The following ARAP2 variants were observed in gnomAD, a reference collection of about 807,000 sequenced individuals.
ARAP2 encodes the protein ArfGAP with RhoGAP domain, ankyrin repeat and PH domain 2, also known as arf-GAP with Rho-GAP domain, ANK repeat and PH domain-containing protein 2.
In ARAP2, 148 loss-of-function variants were observed where a neutral mutation model predicts 194.5. The observed-to-expected ratio is 0.76, with a 90% CI of 0.67 to 0.87. ARAP2 has a LOEUF of 0.87. Ranked by LOEUF, ARAP2 falls within the 40% of genes least tolerant of loss-of-function variation. The pLI is 0.00. For synonymous variants in ARAP2, 695 were observed against 683.5 expected (o/e 1.02, Z -0.26); for missense variants, 2,128 against 1,989.7 (o/e 1.07, Z -1.32).
At chr4:36,062,756 T>A (rs1170829375), downstream of ARAP2, among the ~76,000 whole-genome samples, 1 of 152,086 alleles carries the variant, frequency 6.6e-6, no homozygotes, top group Non-Finnish European at 1.5e-5. Flanking sequence ...TAAAAAGGGT[T>A]AAATCTGCAG....
intron 19 of ARAP2, among the ~76,000 whole-genome samples, chr4:36,143,722 G>A (rs762034892): frequency 2.1e-4 from 32 of 151,730 alleles, no homozygotes; most frequent in African/African-American, 2.4e-4. Flanking sequence ...TTAGCTATAC[G>A]AAGAGATTTA....
At chr4:36,039,028 AT>A (rs1387879081) in intron 5 of ARAP2, among the ~76,000 whole-genome samples, 4 of 152,196 alleles carry the variant, frequency 2.6e-5, no homozygotes, top group Non-Finnish European at 5.9e-5. Flanking sequence ...AATAATTATC[AT>A]TTCTTTTCAG....
At position 36,228,805 on chromosome 4, in the gene ARAP2, T is replaced by G; in HGVS notation, c.682A>C (p.Asn228His). ...SFVGCSTSGT[N>H]SGNGTNGLLE... is the part of the protein sequence containing the mutation. The stretch of plus-strand genomic sequence containing the variant: ...AAACCATTTGTTCCATTTCCAGAAT[T>G]TGTTCCTGATGTTGAACAGCCAACA... The change falls in exon 2 of 33, where the codon AAT becomes CAT. Residue 228 changes from asparagine (N) to histidine (H), a missense_variant. Coordinates refer to ENST00000303965, the MANE Select transcript of ARAP2 (RefSeq NM_015230.4). The G allele has an allele frequency of 6.2e-7, 1 of 1,614,168 alleles. No individual in the cohort carries two copies. Among genetic ancestry groups the G allele is most frequent in the Non-Finnish European group, 8.5e-7 (1 of 1,180,022 alleles).
intron 2 of ARAP2, among the ~76,000 whole-genome samples, chr4:36,226,073 A>C (rs920869343): frequency 6.6e-6 from 1 of 152,180 alleles, no homozygotes; most frequent in Non-Finnish European, 1.5e-5. Context: ...TGATCTGAGC[A>C]CCACAAAAGC....
chr4:36,213,282 A>T lies in ARAP2; in HGVS notation c.1002T>A (p.Tyr334Ter), dbSNP rs1217238895. 6.2e-7 allele frequency: 1 copy of T among 1,608,436 alleles called. No individual in the cohort carries two copies. Among genetic ancestry groups the T allele is most frequent in the African/African-American group, 1.3e-5 (1 of 74,784 alleles). ...NEENSSSIFP[Y>*]GETFLFQRLE... The stretch of plus-strand genomic sequence containing the variant: ...GTCTCTGGAAGAGAAAGGTCTCTCC[A>T]TAAGGAAAGATGGAAGATGAATTCT... Residue 334 changes from tyrosine to a stop codon, truncating the protein, a stop_gained, in exon 4 of 33, where the codon TAT becomes TAA. Coordinates refer to ENST00000303965, the MANE Select transcript of ARAP2 (RefSeq NM_015230.4). LOFTEE classifies it high-confidence loss of function.
At position 36,143,547 on chromosome 4, in the gene ARAP2, G is replaced by A. The variant is rs116978257; in HGVS notation, c.3263+3749C>T. Among the ~76,000 whole-genome samples the A allele has an allele frequency of 4.0e-4, 61 of 151,804 alleles. 1 individual carries two copies. In the East Asian group the frequency reaches 9.7e-3, roughly 24 times the overall value. ...CCTCAATACCATATAGGCAAAAGAAGGCTGTTTAAGTACTTAAAATGGGGC... is the reference window on the plus strand; with the variant it reads ...CCTCAATACCATATAGGCAAAAGAAAGCTGTTTAAGTACTTAAAATGGGGC... On this transcript the variant is annotated intron_variant, in intron 19 of 32. Transcript: ENST00000303965.
chr4:36,021,007 C>T (rs187618948), intron 5 of ARAP2, among the ~76,000 whole-genome samples: 1 of 152,032 alleles, frequency 6.6e-6, no homozygotes, highest in Non-Finnish European at 1.5e-5. Flanking sequence ...GGTGAATGTA[C>T]ATGTGATTCA....
intron 24 of ARAP2, among the ~76,000 whole-genome samples, chr4:36,118,162 T>G (rs555340078): frequency 3.6e-4 from 55 of 151,286 alleles, no homozygotes; most frequent in Middle Eastern, 6.8e-3. Context: ...TTATTTCCAG[T>G]TTTTCCTCCT....
At chr4:36,152,128 G>A (rs1731140359) in intron 15 of ARAP2, among the ~76,000 whole-genome samples, 1 of 152,144 alleles carries the variant, frequency 6.6e-6, no homozygotes, top group South Asian at 2.1e-4. Context: ...CACCTAGAGA[G>A]CTAGATAGGA....
chr4:36,142,389 T>C (rs115067246), intron 19 of ARAP2, among the ~76,000 whole-genome samples: 6 of 151,656 alleles, frequency 4.0e-5, no homozygotes, highest in African/African-American at 1.2e-4. Context: ...ATATATGCCC[T>C]TTCTGGGTCA....
chr4:36,027,505 C>A (rs1324462919), intron 5 of ARAP2, among the ~76,000 whole-genome samples: 1 of 151,754 alleles, frequency 6.6e-6, no homozygotes, highest in Non-Finnish European at 1.5e-5. Flanking sequence ...ACGAAGCAAT[C>A]GCTGACACTC....
intron 2 of ARAP2, among the ~76,000 whole-genome samples, chr4:36,227,654 G>C (rs1046646167): frequency 3.9e-5 from 6 of 152,136 alleles, no homozygotes; most frequent in Non-Finnish European, 5.9e-5. Context: ...GAATCCTGCT[G>C]AAACTCCAGC....
chr4:36,214,835 A>G (rs923337181), intron 2 of ARAP2, among the ~76,000 whole-genome samples: 1 of 152,228 alleles, frequency 6.6e-6, no homozygotes. Context: ...TAATTTCAAA[A>G]CTGCTAGTCA....
Position 36,066,934 on chromosome 4 carries a change from C to T in ARAP2, c.*973G>A, listed in dbSNP as rs1725600638. On this transcript the variant is annotated 3_prime_UTR_variant, in exon 33 of 33. Coordinates refer to ENST00000303965, the MANE Select transcript of ARAP2 (RefSeq NM_015230.4). ...GACAACTCGGAGAAAAACATTACAACCTTAATAATAATTTAAAAAAATCTA... is the reference window on the plus strand; with the variant it reads ...GACAACTCGGAGAAAAACATTACAATCTTAATAATAATTTAAAAAAATCTA... 1 of 152,140 alleles carries T rather than the reference C, an allele frequency of 6.6e-6. No individual in the cohort carries two copies. The highest frequency in any genetic ancestry group is 6.5e-5 in the Admixed American group (1 of 15,274). 9.4% of individuals were successfully genotyped at this position (152,140 alleles called of 1,614,324 possible). A position where few individuals can be genotyped will look rare whatever the true frequency, so the allele number is the denominator to read the frequency against.
chr4:36,151,179 T>C (rs566333007), intron 15 of ARAP2, 135 bp from the exon 16 acceptor site: 39 of 783,362 alleles, frequency 5.0e-5, no homozygotes, highest in Admixed American at 9.6e-5. Flanking sequence ...ATAAAGTATA[T>C]GTTATTGCTG....
At chr4:36,046,902 T>C (rs1159236063) in intron 3 of ARAP2, 2 of 152,140 alleles carry the variant, frequency 1.3e-5, no homozygotes, top group East Asian at 1.9e-4. Flanking sequence ...GAACAAAACA[T>C]GTTTAAATCA....
intron 3 of ARAP2, among the ~76,000 whole-genome samples, chr4:36,047,865 C>A (rs1460395170): frequency 6.6e-6 from 1 of 152,188 alleles, no homozygotes; most frequent in Non-Finnish European, 1.5e-5. Context: ...CAAAGCCACA[C>A]AATTGAAAGA....
At chr4:36,102,041 T>C (rs2109435904) in intron 27 of ARAP2, among the ~76,000 whole-genome samples, 1 of 152,160 alleles carries the variant, frequency 6.6e-6, no homozygotes, top group East Asian at 1.9e-4. Flanking sequence ...TTGCTACATC[T>C]GTTCTTTAAA....
At chr4:36,086,179 C>T (rs1181836315) in intron 28 of ARAP2, among the ~76,000 whole-genome samples, 5 of 152,064 alleles carry the variant, frequency 3.3e-5, no homozygotes, top group African/African-American at 9.7e-5. Flanking sequence ...ACCGAGGCAG[C>T]AGGGTTGGCT....
Sources: allele counts gnomAD v4.1 joint callset (sites outside exome capture counted in the v4.1 genomes callset), GRCh38; gene constraint gnomAD v4.1.1; transcripts MANE v1.5; gene names NCBI Gene and HGNC (gene_info 2026-07-23, HGNC 2026-07-21).